Variants in GRID2 observed in about 807,000 individuals in gnomAD.
GRID2 encodes glutamate receptor ionotropic, delta-2.
A neutral mutation model predicts 114.8 loss-of-function variants in GRID2; 33 were observed. The ratio of observed to expected loss-of-function variants is 0.29; its 90% CI spans 0.22 to 0.38. The LOEUF (loss-of-function observed/expected upper bound fraction) is 0.38, where lower values mean the gene tolerates loss of function less well. GRID2 is among the 10% of genes least tolerant of loss of function. The probability of loss-of-function intolerance (pLI) is 1.00; values close to 1 mark genes in which losing one functional copy is unlikely to be tolerated. For synonymous variants in GRID2, 505 were observed against 449.9 expected (o/e 1.12, Z -1.55); for missense variants, 1,184 against 1,257.7 (o/e 0.94, Z 0.89).
At chr4:93,134,908 T>C (rs534151246) in intron 4 of GRID2, among the ~76,000 whole-genome samples, 1 of 152,166 alleles carries the variant, frequency 6.6e-6, no homozygotes, top group African/African-American at 2.4e-5. Context: ...TATTGAAACT[T>C]GCCTATTAAA....
At chr4:92,994,293 A>G (rs990066491) in intron 2 of GRID2, among the ~76,000 whole-genome samples, 1 of 152,174 alleles carries the variant, frequency 6.6e-6, no homozygotes, top group African/African-American at 2.4e-5. Context: ...AATATTAGAC[A>G]ACAAATCCTT....
chr4:92,836,245 T>C (rs1462436988), intron 2 of GRID2, among the ~76,000 whole-genome samples: 1 of 152,122 alleles, frequency 6.6e-6, no homozygotes, highest in Admixed American at 6.6e-5. Context: ...GCTTCTGGTG[T>C]ATGTGGATTA....
intron 14 of GRID2, among the ~76,000 whole-genome samples, chr4:93,767,907 GATATA>G (rs1395659992): frequency 6.6e-6 from 1 of 152,170 alleles, no homozygotes; most frequent in Non-Finnish European, 1.5e-5. Flanking sequence ...AAACCTGTTT[GATATA>G]ATATATTCTA....
At chr4:93,113,757 G>A (rs1165108817) in intron 4 of GRID2, among the ~76,000 whole-genome samples, 1 of 152,206 alleles carries the variant, frequency 6.6e-6, no homozygotes, top group East Asian at 1.9e-4. Flanking sequence ...GAAATGTTGA[G>A]GAAGGAGCTT....
intron 1 of GRID2, among the ~76,000 whole-genome samples, chr4:92,498,078 A>G (rs1195323442): frequency 6.6e-6 from 1 of 151,874 alleles, no homozygotes; most frequent in Non-Finnish European, 1.5e-5. Context: ...TGAGATATAT[A>G]GAAGAAGATA....
intron 1 of GRID2, among the ~76,000 whole-genome samples, chr4:92,540,334 G>A (rs1268372030): frequency 6.6e-6 from 1 of 152,076 alleles, no homozygotes; most frequent in Admixed American, 6.6e-5. Flanking sequence ...CACAGCAAAA[G>A]AAACTACCAT....
chr4:93,069,501 A>G (rs1728622317), intron 2 of GRID2, among the ~76,000 whole-genome samples: 1 of 151,980 alleles, frequency 6.6e-6, no homozygotes, highest in Non-Finnish European at 1.5e-5. Flanking sequence ...CTCTAGTAGC[A>G]CCCAACCCCC....
chr4:93,467,077 C>T (rs566474425), intron 11 of GRID2, among the ~76,000 whole-genome samples: 10 of 152,154 alleles, frequency 6.6e-5, no homozygotes, highest in East Asian at 1.9e-4. Context: ...TATACCATGC[C>T]GGATCTGAAA....
At chr4:92,324,673 C>A (rs1248217485) in intron 1 of GRID2, among the ~76,000 whole-genome samples, 1 of 151,610 alleles carries the variant, frequency 6.6e-6, no homozygotes, top group African/African-American at 2.4e-5. Context: ...TAAAGTAATA[C>A]TAAATTAACA....
intron 2 of GRID2, among the ~76,000 whole-genome samples, chr4:92,807,438 T>C (rs1200299815): frequency 6.6e-6 from 1 of 151,874 alleles, no homozygotes; most frequent in African/African-American, 2.4e-5. Flanking sequence ...GCAAAAAAAA[T>C]GTCAAAGTAA....
intron 1 of GRID2, among the ~76,000 whole-genome samples, chr4:92,386,894 G>GA (rs1466192695): frequency 2.0e-5 from 3 of 151,872 alleles, no homozygotes; most frequent in South Asian, 2.1e-4. Flanking sequence ...AAATTTGACA[G>GA]AAAAAATGAT....
At chr4:92,764,831 G>C (rs1306668479) in intron 2 of GRID2, among the ~76,000 whole-genome samples, 1 of 152,096 alleles carries the variant, frequency 6.6e-6, no homozygotes, top group Non-Finnish European at 1.5e-5. Flanking sequence ...ACTTAGTATT[G>C]TATAGTAGAA....
At chr4:92,370,417 T>A (rs1349650325) in intron 1 of GRID2, among the ~76,000 whole-genome samples, 1 of 152,020 alleles carries the variant, frequency 6.6e-6, no homozygotes, top group African/African-American at 2.4e-5. Flanking sequence ...TTTGGGAGGC[T>A]GAGGCGGGCG....
intron 5 of GRID2, among the ~76,000 whole-genome samples, chr4:93,215,952 T>G (rs1000164890): frequency 3.3e-5 from 5 of 152,094 alleles, no homozygotes; most frequent in Admixed American, 6.6e-5. Flanking sequence ...AAATGAACAC[T>G]ATTAAGCACC....
chr4:93,004,672 C>A (rs1256652867), intron 2 of GRID2, among the ~76,000 whole-genome samples: 1 of 152,000 alleles, frequency 6.6e-6, no homozygotes, highest in African/African-American at 2.4e-5. Context: ...CTTCCACTCC[C>A]CCTCAGAGCA....
intron 2 of GRID2, among the ~76,000 whole-genome samples, chr4:92,615,533 A>G (rs916752462): frequency 2.0e-5 from 3 of 151,716 alleles, no homozygotes; most frequent in African/African-American, 4.8e-5. Flanking sequence ...TCTCTTACAG[A>G]CAGCATAAGA....
chr4:92,485,981 T>C (rs2149109134), intron 1 of GRID2, among the ~76,000 whole-genome samples: 1 of 152,014 alleles, frequency 6.6e-6, no homozygotes, highest in South Asian at 2.1e-4. Context: ...ACAAAAATGA[T>C]GGAACTTGTG....
At chr4:93,177,616 T>C (rs924352705) in intron 4 of GRID2, among the ~76,000 whole-genome samples, 1 of 152,206 alleles carries the variant, frequency 6.6e-6, no homozygotes, top group Non-Finnish European at 1.5e-5. Flanking sequence ...AATACTTTCA[T>C]TGAGTACTGT....
chr4:92,486,207 A>C (rs1375096340), intron 1 of GRID2, among the ~76,000 whole-genome samples: 1 of 151,578 alleles, frequency 6.6e-6, no homozygotes, highest in East Asian at 1.9e-4. Flanking sequence ...CCACTTAAAA[A>C]CTAAAGATAG....
Sources: allele counts gnomAD v4.1 joint callset (sites outside exome capture counted in the v4.1 genomes callset), GRCh38; gene constraint gnomAD v4.1.1; transcripts MANE v1.5; gene names NCBI Gene and HGNC (gene_info 2026-07-23, HGNC 2026-07-21).